Variants in ANK2 observed in about 807,000 individuals in gnomAD.
The protein encoded by ANK2 is ankyrin 2.
A neutral mutation model predicts 360.5 loss-of-function variants in ANK2; 83 were observed. The observed-to-expected ratio is 0.23, with a 90% CI of 0.19 to 0.28. The LOEUF (loss-of-function observed/expected upper bound fraction) is 0.28. Ranked by LOEUF, ANK2 falls within the 10% of genes least tolerant of loss-of-function variation. ANK2 has a pLI of 1.00. For synonymous variants in ANK2, 1,740 were observed against 1,759.5 expected, an observed-to-expected ratio of 0.99 and a Z score of 0.28; for missense variants, 4,201 against 4,795.7, an observed-to-expected ratio of 0.88 and a Z score of 3.66.
upstream of ANK2, among the ~76,000 whole-genome samples, chr4:113,048,477 G>T (rs1474343701): frequency 2.8e-5 from 4 of 141,804 alleles, no homozygotes; most frequent in Non-Finnish European, 6.1e-5. Context: ...GTTTCATCAC[G>T]TTGGCCAGGC....
intron 13 of ANK2, 109 bp from the exon 14 acceptor site, chr4:113,264,788 C>T: frequency 9.5e-7 from 1 of 1,054,032 alleles, no homozygotes; most frequent in Non-Finnish European, 1.4e-6. Context: ...TCATAGGTTT[C>T]TTAAATCCTT....
In ANK2 at chr4:113,355,523, C is replaced by A. The variant is rs1343749998; in HGVS notation, c.6905C>A (p.Thr2302Asn). 2 of 1,613,946 alleles carry A rather than the reference C, an allele frequency of 1.2e-6. No homozygotes were observed. Among genetic ancestry groups the A allele is most frequent in the Non-Finnish European group, 1.7e-6 (2 of 1,179,982 alleles). Residue 2302 changes from threonine to asparagine, a missense_variant, in exon 38 of 46, where the codon ACC (threonine) becomes AAC (asparagine). Transcript: ENST00000357077. ...GCCACAGTCACTGAGGACTCAGAGA[C>A]CTCTACTGAGAGTTTTCAGAAAGAG... is the stretch of plus-strand genomic sequence containing the variant. ...RGATVTEDSE[T>N]STESFQKEAT...
chr4:112,874,346 G>A (rs961707029), intron 1 of ANK2, among the ~76,000 whole-genome samples: 1 of 146,094 alleles, frequency 6.8e-6, no homozygotes, highest in African/African-American at 2.5e-5. Context: ...GCCTCCCAAA[G>A]TGCTGGGATT....
At chr4:112,945,503 C>T (rs1397923635) in intron 2 of ANK2, among the ~76,000 whole-genome samples, 1 of 152,182 alleles carries the variant, frequency 6.6e-6, no homozygotes, top group Non-Finnish European at 1.5e-5. Flanking sequence ...TTGGTAACCA[C>T]AAGCAGTCAT....
intron 1 of ANK2, among the ~76,000 whole-genome samples, chr4:112,871,263 G>A (rs2072902885): frequency 6.6e-6 from 1 of 151,438 alleles, no homozygotes; most frequent in Admixed American, 6.6e-5. Context: ...TCGTCTCACT[G>A]CAATCTCCGT....
At chr4:113,142,484 G>A (rs889417375) in intron 1 of ANK2, among the ~76,000 whole-genome samples, 1 of 152,108 alleles carries the variant, frequency 6.6e-6, no homozygotes, top group Non-Finnish European at 1.5e-5. Context: ...CAGGTTCCAG[G>A]TTGGTAATTT....
At chr4:113,339,383 T>C (rs2093984113) in intron 32 of ANK2, 61 bp downstream of exon 32, 1 of 1,232,174 alleles carries the variant, frequency 8.1e-7, no homozygotes, top group African/African-American at 1.5e-5. Context: ...AAAACTGCCC[T>C]TTGTTTTATT....
chr4:112,848,776 A>G (rs534660402), intron 1 of ANK2, among the ~76,000 whole-genome samples: 48 of 152,316 alleles, frequency 3.2e-4, no homozygotes, highest in Admixed American at 1.4e-3. Flanking sequence ...CATGGAATAA[A>G]TGCCTATTAA....
At chr4:112,841,526 G>T (rs536821991) in intron 1 of ANK2, among the ~76,000 whole-genome samples, 1 of 152,326 alleles carries the variant, frequency 6.6e-6, no homozygotes, top group African/African-American at 2.4e-5. Context: ...ATCTGAAGGT[G>T]CATTGAATCA....
chr4:112,726,851 CAAAAAAAA>C, the ANK2 span, among the ~76,000 whole-genome samples: 2 of 69,396 alleles, frequency 2.9e-5, no homozygotes, highest in Non-Finnish European at 6.2e-5. Context: ...GACTCTGTCT[CAAAAAAAA>C]AAAAAAAAAA....
chr4:112,996,864 C>T (rs374139015), intron 2 of ANK2, among the ~76,000 whole-genome samples: 33 of 152,034 alleles, frequency 2.2e-4, no homozygotes, highest in African/African-American at 7.5e-4. Flanking sequence ...AATTTTTGTA[C>T]GCATTAACTG....
At chr4:113,053,332 T>A (rs962231470) in intron 1 of ANK2, among the ~76,000 whole-genome samples, 3 of 152,208 alleles carry the variant, frequency 2.0e-5, no homozygotes, top group Admixed American at 2.0e-4. Flanking sequence ...TAGGTAGTAA[T>A]GTTGTTAAAG....
At chr4:112,897,302 C>T (rs1013415184) in intron 1 of ANK2, among the ~76,000 whole-genome samples, 1 of 152,266 alleles carries the variant, frequency 6.6e-6, no homozygotes, top group Non-Finnish European at 1.5e-5. Flanking sequence ...TATTCCCTTT[C>T]TTTGTTCAAT....
chr4:113,012,927 G>A (rs1324658997), intron 2 of ANK2, among the ~76,000 whole-genome samples: 2 of 152,084 alleles, frequency 1.3e-5, no homozygotes, highest in Non-Finnish European at 2.9e-5. Context: ...TTTAGAAATT[G>A]GAATGTCAAC....
chr4:113,275,016 G>A (rs1192597359), intron 15 of ANK2, among the ~76,000 whole-genome samples: 3 of 152,168 alleles, frequency 2.0e-5, no homozygotes, highest in East Asian at 1.9e-4. Flanking sequence ...AGAGGGTACT[G>A]CATTAGATTG....
chr4:113,211,381 T>A (rs1462596300), intron 4 of ANK2, among the ~76,000 whole-genome samples: 1 of 152,192 alleles, frequency 6.6e-6, no homozygotes, highest in Non-Finnish European at 1.5e-5. Flanking sequence ...ACAGCTTGCA[T>A]TTTGGAGTAA....
chr4:113,281,406 G>A (rs1411480832), intron 17 of ANK2, among the ~76,000 whole-genome samples: 2 of 151,970 alleles, frequency 1.3e-5, no homozygotes, highest in Admixed American at 1.3e-4. Context: ...CAGTCATGGT[G>A]GTGTGTGCCT....
At chr4:113,258,661 T>C (rs2050856930) in intron 13 of ANK2, among the ~76,000 whole-genome samples, 1 of 152,146 alleles carries the variant, frequency 6.6e-6, no homozygotes, top group Non-Finnish European at 1.5e-5. Flanking sequence ...TGGGTGTAGG[T>C]GGATTGAACA....
At chr4:113,043,309 AAAG>A (rs1184966204) in intron 2 of ANK2, among the ~76,000 whole-genome samples, 2 of 152,092 alleles carry the variant, frequency 1.3e-5, no homozygotes, top group East Asian at 1.9e-4. Context: ...CTTCTATGGA[AAAG>A]AAGAAGTATA....
Sources: allele counts gnomAD v4.1 joint callset (sites outside exome capture counted in the v4.1 genomes callset), GRCh38; gene constraint gnomAD v4.1.1; transcripts MANE v1.5; gene names NCBI Gene and HGNC (gene_info 2026-07-23, HGNC 2026-07-21).